BROX: variants seen among roughly 807,000 people sequenced by gnomAD.
The protein encoded by BROX is BRO1 domain and CAAX motif containing, also known as BRO1 domain-containing protein BROX.
Under a neutral mutation model 61.0 loss-of-function variants are expected in BROX, and 53 were observed. That is an observed-to-expected ratio of 0.87 (90% CI 0.70 to 1.09). The LOEUF is 1.09. BROX is among the 50% of genes least tolerant of loss of function. The probability of loss-of-function intolerance (pLI) is 0.00; values close to 1 mark genes in which losing one functional copy is unlikely to be tolerated. For missense variants in BROX, 489 were observed against 472.0 expected (o/e 1.04, Z -0.33); for synonymous variants, 152 against 160.2 (o/e 0.95, Z 0.38).
At chr1:222,726,048 T>C (rs981474979) in intron 7 of BROX, among the ~76,000 whole-genome samples, 3 of 152,258 alleles carry the variant, frequency 2.0e-5, no homozygotes, top group African/African-American at 7.2e-5. Context: ...CCTTACAGTT[T>C]AATGGCTCTT....
In BROX at chr1:222,714,588, T is replaced by G. The variant is rs549570641; in HGVS notation, c.-16-1096T>G. On this transcript the variant is annotated intron_variant, in intron 1 of 12. Transcript: ENST00000340934. ...TTCCAAGTTTTTGTTTTTTGTTTTT[T>G]TTTTCCTTTTTCCTTTTTTGAGATA... Among the ~76,000 whole-genome samples, 206 of 151,028 alleles carry G rather than the reference T, an allele frequency of 1.4e-3. 1 individual carries two copies. The East Asian group carries it at 0.017, about 12-fold the overall frequency.
At chr1:222,713,143 A>G in intron 1 of BROX, 4 of 981,062 alleles carry the variant, frequency 4.1e-6, no homozygotes, top group Non-Finnish European at 4.9e-6. Flanking sequence ...ATTAACAGCT[A>G]GATCCGCTGA....
At position 222,712,821 on chromosome 1, in the gene BROX, G is replaced by C. The variant is rs77110799; in HGVS notation, c.-138G>C. On this transcript the variant is annotated 5_prime_UTR_variant, in exon 1 of 13. Coordinates refer to ENST00000340934, the MANE Select transcript of BROX (RefSeq NM_144695.4). ...GTGACTCCGGCTTGGCGCCGTCCTG[G>C]TTTTCCGTCACCCTGGTTCTGTAGT... 97 of 1,288,396 alleles carry C rather than the reference G, an allele frequency of 7.5e-5. No homozygotes were observed. The African/African-American group carries it at 1.3e-3, about 18-fold the overall frequency. The allele number at this position is 1,288,396 out of a possible 1,614,324, so 79.8% of individuals were successfully genotyped here.
At chr1:222,724,322 A>T (rs17163453) in intron 6 of BROX, among the ~76,000 whole-genome samples, 158 bp downstream of exon 6, 1 of 152,194 alleles carries the variant, frequency 6.6e-6, no homozygotes, top group Non-Finnish European at 1.5e-5. Context: ...TGATGAGTGC[A>T]GCCAGTTACT....
rs774443498 is a variant in BROX at position 222,727,183 on chromosome 1, C to A, written c.596C>A (p.Ala199Glu). 31 of 1,612,070 alleles carry A rather than the reference C, an allele frequency of 1.9e-5. No homozygotes were observed. The highest frequency in any genetic ancestry group is 2.6e-5 in the Non-Finnish European group (31 of 1,178,886). ...AEAQEVTIAR[A>E]IELKHAPGLI... ...TTGGTTACAGTAACAATTGCTCGAG[C>A]AATTGAACTAAAACATGCTCCTGGA... is the stretch of plus-strand genomic sequence containing the variant. The change falls in exon 8 of 13, where the codon GCA (alanine) becomes GAA (glutamate). Residue 199 changes from alanine to glutamate, a missense_variant. Ala to Glu is a moderately radical substitution (Grantham distance 107, BLOSUM62 -1). Transcript: ENST00000340934.
At chr1:222,731,553 A>G (rs746390730) in intron 12 of BROX, 37 bp downstream of exon 12, 1 of 1,558,980 alleles carries the variant, frequency 6.4e-7, no homozygotes, top group South Asian at 1.2e-5. Context: ...CTCATTCACA[A>G]AAGTTTAAAA....
intron 1 of BROX, chr1:222,715,288 A>G (rs1267893401): frequency 6.6e-6 from 1 of 152,422 alleles, no homozygotes; most frequent in Non-Finnish European, 1.5e-5. Context: ...TATGTATATT[A>G]CAGTTTAAAC....
rs1040571873 is a variant in BROX at position 222,728,886 on chromosome 1, G to A, written c.756+58G>A. The A allele has an allele frequency of 1.2e-5, 15 of 1,266,572 alleles. No individual in the cohort carries two copies. In the East Asian group the frequency reaches 3.4e-4, roughly 28 times the overall value. 78.5% of individuals were successfully genotyped at this position (1,266,572 alleles called of 1,614,324 possible). A position where few individuals can be genotyped will look rare whatever the true frequency, so the allele number is the denominator to read the frequency against. ...TTATTGTTTCTCCAGCCCTTGGAGTGCCAGGTCTCTCATCTCACCAGAGTC... is the reference window on the plus strand; with the variant it reads ...TTATTGTTTCTCCAGCCCTTGGAGTACCAGGTCTCTCATCTCACCAGAGTC... On this transcript the variant is annotated intron_variant, in intron 9 of 12. Coordinates refer to ENST00000340934, the MANE Select transcript of BROX (RefSeq NM_144695.4).
intron 1 of BROX, chr1:222,715,352 C>G (rs1656513894): frequency 6.5e-6 from 1 of 153,698 alleles, no homozygotes; most frequent in Non-Finnish European, 1.4e-5. Context: ...GGCAGATTTT[C>G]AAATGCTCTT....
In BROX at chr1:222,728,912, T is replaced by C. The variant is rs941439172; in HGVS notation, c.756+84T>C. The C allele has an allele frequency of 6.5e-6, 6 of 922,584 alleles. No homozygotes were observed. The Admixed American group carries it at 1.4e-4, about 21-fold the overall frequency. The allele number at this position is 922,584 out of a possible 1,614,324, so 57.1% of individuals were successfully genotyped here. A position where few individuals can be genotyped will look rare whatever the true frequency, so the allele number is the denominator to read the frequency against. Reference sequence around the variant, plus strand: ...CCAGGTCTCTCATCTCACCAGAGTCTTTCATTAGCATTTTACAAATAATGG... The same window carrying C: ...CCAGGTCTCTCATCTCACCAGAGTCCTTCATTAGCATTTTACAAATAATGG... On this transcript the variant is annotated intron_variant, in intron 9 of 12. Coordinates refer to ENST00000340934, the MANE Select transcript of BROX (RefSeq NM_144695.4).
intron 11 of BROX, among the ~76,000 whole-genome samples, chr1:222,730,431 A>G (rs1657850808): frequency 1.3e-5 from 2 of 151,990 alleles, no homozygotes; most frequent in African/African-American, 2.4e-5. Context: ...ACCTGTCTCT[A>G]CAGAAAATAC....
intron 1 of BROX, chr1:222,713,246 G>A (rs3748631): frequency 0.13 from 127,253 of 986,070 alleles, 8,398 homozygotes; most frequent in Non-Finnish European, 0.14. Flanking sequence ...CACCTCTCCC[G>A]GGTTGACAGT....
In BROX at chr1:222,712,623, C is replaced by T. The variant is rs781386693; in HGVS notation, c.-336C>T. 64 of 1,334,476 alleles carry T rather than the reference C, an allele frequency of 4.8e-5. No individual in the cohort carries two copies. Among genetic ancestry groups the T allele is most frequent in the Non-Finnish European group, 5.1e-5 (52 of 1,020,266 alleles). The allele number at this position is 1,334,476 out of a possible 1,614,324, so 82.7% of individuals were successfully genotyped here. On this transcript the variant is annotated 5_prime_UTR_variant, in exon 1 of 13. Transcript: ENST00000340934. Reference sequence around the variant, plus strand: ...TCTCCCTCGGCTCCGGAGGTAGGGGCAACTCTTCTCTTCCTGTCTGGGAAA... The same window carrying T: ...TCTCCCTCGGCTCCGGAGGTAGGGGTAACTCTTCTCTTCCTGTCTGGGAAA...
intron 3 of BROX, 65 bp from the exon 4 acceptor site, chr1:222,719,198 C>T: frequency 7.4e-7 from 1 of 1,359,974 alleles, no homozygotes; most frequent in South Asian, 1.3e-5. Context: ...AAAATTTTTC[C>T]AAACAGAACA....
intron 12 of BROX, among the ~76,000 whole-genome samples, 175 bp downstream of exon 12, chr1:222,731,691 C>T (rs1029893174): frequency 2.0e-5 from 3 of 152,174 alleles, no homozygotes; most frequent in African/African-American, 7.2e-5. Context: ...GATAAGACCT[C>T]TAGGCCTTAA....
rs1481549589 is a variant in BROX at position 222,733,982 on chromosome 1, T to G, written c.*1268T>G. On this transcript the variant is annotated 3_prime_UTR_variant, in exon 13 of 13. Transcript: ENST00000340934. ...GATTTCAGTGTACATTGTTTTTATG[T>G]GGTTTTCTGATAATGTCCTGTCAGA... The G allele has an allele frequency of 1.3e-5, 2 of 152,254 alleles. No individual in the cohort carries two copies. Among genetic ancestry groups the G allele is most frequent in the African/African-American group, 2.4e-5 (1 of 41,476 alleles). The allele number at this position is 152,254 out of a possible 1,614,324, so 9.4% of individuals were successfully genotyped here.
intron 6 of BROX, among the ~76,000 whole-genome samples, chr1:222,724,380 A>G (rs150285814): frequency 1.9e-4 from 29 of 152,354 alleles, no homozygotes; most frequent in Middle Eastern, 3.4e-3. Flanking sequence ...AGTGACTTTT[A>G]CAATTAGAAA....
At chr1:222,713,373 G>A (rs142873502) in intron 1 of BROX, 2 of 985,634 alleles carry the variant, frequency 2.0e-6, no homozygotes, top group Non-Finnish European at 2.4e-6. Context: ...GAGGCTGGGT[G>A]GTAAACAGGA....
chr1:222,722,918 A>G (rs1481002993), intron 5 of BROX, among the ~76,000 whole-genome samples: 1 of 152,230 alleles, frequency 6.6e-6, no homozygotes, highest in Non-Finnish European at 1.5e-5. Context: ...ATTGAAAAGC[A>G]AAGGACATGA....
Sources: allele counts gnomAD v4.1 joint callset (sites outside exome capture counted in the v4.1 genomes callset), GRCh38; gene constraint gnomAD v4.1.1; transcripts MANE v1.5; gene names NCBI Gene and HGNC (gene_info 2026-07-23, HGNC 2026-07-21).